Variants in CEP350 observed in about 807,000 individuals in gnomAD.
CEP350 encodes the protein centrosome-associated protein 350.
Under a neutral mutation model 331.8 loss-of-function variants are expected in CEP350, and 126 were observed. The ratio of observed to expected loss-of-function variants is 0.38; its 90% CI spans 0.33 to 0.44. The LOEUF is 0.44. Among genes scored for constraint, CEP350 ranks in the 20% least tolerant of loss-of-function variants. The pLI is 1.00. For synonymous variants in CEP350, 1,200 were observed against 1,259.5 expected (o/e 0.95, Z 1.00); for missense variants, 3,406 against 3,634.6 (o/e 0.94, Z 1.62).
chr1:180,056,476 C>T (rs866762012), intron 25 of CEP350, among the ~76,000 whole-genome samples: 88 of 101,670 alleles, frequency 8.7e-4, no homozygotes, highest in Middle Eastern at 4.3e-3. Flanking sequence ...CCCCCCCCCC[C>T]TTTTTTTTTT....
chr1:180,081,123 C>T (rs1396301886), intron 30 of CEP350, among the ~76,000 whole-genome samples: 1 of 152,144 alleles, frequency 6.6e-6, no homozygotes, highest in East Asian at 1.9e-4. Context: ...CCGTCTCGGC[C>T]TCCCAAAGTG....
chr1:180,061,689 G>A (rs537103612), intron 25 of CEP350, among the ~76,000 whole-genome samples: 1 of 152,188 alleles, frequency 6.6e-6, no homozygotes, highest in Admixed American at 6.5e-5. Context: ...TTTTTTGAAA[G>A]CAATTTTAAA....
At position 180,062,310 on chromosome 1, in the gene CEP350, C is replaced by G; in HGVS notation, c.5353C>G (p.Arg1785Gly). Reference sequence around the variant, plus strand: ...ACAGCAGGAGGAGATAGAAAAGATCCGACAGACCACCATAAAACTACAGGA... The same window carrying G: ...ACAGCAGGAGGAGATAGAAAAGATCGGACAGACCACCATAAAACTACAGGA... Reference protein sequence around the residue: ...LKQQEEIEKIRQTTIKLQEKL... With the variant: ...LKQQEEIEKIGQTTIKLQEKL... The change falls in exon 26 of 38, where the codon CGA (arginine) becomes GGA (glycine). Residue 1785 changes from arginine to glycine, a missense_variant. By Grantham distance (125) the Arg-to-Gly change is moderately radical. This residue lies in a region of CEP350 where 1,415 missense variants were observed against 1,512.3 expected (regional missense o/e 0.94). Transcript: ENST00000367607. The G allele has an allele frequency of 1.9e-6, 3 of 1,610,106 alleles. No individual in the cohort carries two copies. Among genetic ancestry groups the G allele is most frequent in the South Asian group, 1.1e-5 (1 of 90,322 alleles).
At chr1:179,995,871 C>T (rs772734236) in intron 5 of CEP350, among the ~76,000 whole-genome samples, 23 of 152,164 alleles carry the variant, frequency 1.5e-4, no homozygotes, top group Non-Finnish European at 2.8e-4. Flanking sequence ...ATTTATTGTA[C>T]TTCCACTTTA....
chr1:180,065,188 G>A lies in CEP350; in HGVS notation c.5483G>A (p.Ser1828Asn), dbSNP rs1658476030. The A allele has an allele frequency of 1.2e-6, 2 of 1,613,832 alleles. No individual in the cohort carries two copies. Among genetic ancestry groups the A allele is most frequent in the Non-Finnish European group, 1.7e-6 (2 of 1,179,806 alleles). Residue 1828 changes from serine to asparagine, a missense_variant, in exon 27 of 38, where the codon AGT (serine) becomes AAT (asparagine). Physicochemically the swap from Ser to Asn is conservative, Grantham distance 46. Coordinates refer to ENST00000367607, the MANE Select transcript of CEP350 (RefSeq NM_014810.5). ...GGTCCAACTGACTTGGAGACCCGCAGTCCTTCTCCCATTTCAATCTCCAGC... is the reference window on the plus strand; with the variant it reads ...GGTCCAACTGACTTGGAGACCCGCAATCCTTCTCCCATTTCAATCTCCAGC... ...SPGPTDLETR[S>N]PSPISISSSE...
intron 27 of CEP350, among the ~76,000 whole-genome samples, chr1:180,067,842 A>G (rs538894107): frequency 1.5e-4 from 23 of 152,370 alleles, no homozygotes; most frequent in African/African-American, 5.5e-4. Flanking sequence ...CCGGAGCACC[A>G]TAGTTTGATC....
At chr1:180,032,206 G>A (rs973243669) in intron 15 of CEP350, among the ~76,000 whole-genome samples, 3 of 152,136 alleles carry the variant, frequency 2.0e-5, no homozygotes, top group Middle Eastern at 3.4e-3. Context: ...TTTCATGTGT[G>A]CACTGGTTTT....
intron 32 of CEP350, among the ~76,000 whole-genome samples, 157 bp from the exon 33 acceptor site, chr1:180,090,557 A>AAAAAAAAAAAAAAAAAAAAG (rs1660126484): frequency 1.1e-5 from 1 of 92,216 alleles, no homozygotes; most frequent in Non-Finnish European, 2.2e-5. Flanking sequence ...AAAAAAAAAA[A>AAAAAAAAAAAAAAAAAAAAG]AAAAAAAAAA....
At chr1:180,088,631 G>C (rs1224426975) in intron 32 of CEP350, among the ~76,000 whole-genome samples, 1 of 152,142 alleles carries the variant, frequency 6.6e-6, no homozygotes, top group South Asian at 2.1e-4. Flanking sequence ...GAGAGGTATG[G>C]CAGGCTCATT....
At chr1:179,976,971 T>G (rs1398115625) in intron 1 of CEP350, among the ~76,000 whole-genome samples, 2 of 152,242 alleles carry the variant, frequency 1.3e-5, no homozygotes, top group African/African-American at 4.8e-5. Context: ...TTTTTCCTTT[T>G]CTTTGGGGCC....
At chr1:180,096,341 C>G (rs991992672) in intron 36 of CEP350, among the ~76,000 whole-genome samples, 157 bp downstream of exon 36, 1 of 150,252 alleles carries the variant, frequency 6.7e-6, no homozygotes, top group African/African-American at 2.5e-5. Context: ...TGTTGACTTA[C>G]TGAATCCATG....
chr1:180,004,081 A>G (rs896170427), intron 7 of CEP350, among the ~76,000 whole-genome samples: 12 of 152,198 alleles, frequency 7.9e-5, no homozygotes. Context: ...TGTAATAGTT[A>G]AGAGCCAAGA....
intron 6 of CEP350, among the ~76,000 whole-genome samples, chr1:180,002,735 C>T (rs1653948092): frequency 2.0e-5 from 3 of 152,124 alleles, no homozygotes; most frequent in Admixed American, 2.0e-4. Flanking sequence ...TTGGTATAGT[C>T]ATACAATGGA....
At chr1:180,061,143 TAACA>T (rs1267456384) in intron 25 of CEP350, among the ~76,000 whole-genome samples, 1 of 152,210 alleles carries the variant, frequency 6.6e-6, no homozygotes, top group African/African-American at 2.4e-5. Context: ...TAATTATAAC[TAACA>T]AATTTTAATG....
At chr1:179,971,102 C>G (rs1434152823) in intron 1 of CEP350, among the ~76,000 whole-genome samples, 1 of 150,998 alleles carries the variant, frequency 6.6e-6, no homozygotes, top group African/African-American at 2.4e-5. Context: ...AATCTCGGCT[C>G]ATTGCAACCT....
At chr1:179,965,301 T>G (rs1171943690) in intron 1 of CEP350, among the ~76,000 whole-genome samples, 1 of 152,158 alleles carries the variant, frequency 6.6e-6, no homozygotes, top group Non-Finnish European at 1.5e-5. Context: ...TATTGAGACT[T>G]GCTTTATGAC....
At chr1:180,041,878 T>C (rs1043566713) in intron 19 of CEP350, 76 bp downstream of exon 19, 11 of 1,354,986 alleles carry the variant, frequency 8.1e-6, no homozygotes, top group Non-Finnish European at 1.1e-5. Context: ...CAGTAATGGG[T>C]TTCTAATATC....
intron 36 of CEP350, among the ~76,000 whole-genome samples, chr1:180,097,064 G>A (rs112181855): frequency 1.3e-5 from 2 of 152,212 alleles, no homozygotes; most frequent in Non-Finnish European, 2.9e-5. Flanking sequence ...TTTGATCACA[G>A]AAAGCCTTTA....
intron 29 of CEP350, among the ~76,000 whole-genome samples, chr1:180,079,026 T>G (rs1320840301): frequency 2.0e-5 from 3 of 152,160 alleles, no homozygotes; most frequent in African/African-American, 7.2e-5. Context: ...ACCTTTACTG[T>G]AACTGAATTA....
Sources: gnomAD v4.1 joint callset for allele counts (sites outside exome capture counted in the v4.1 genomes callset) on GRCh38, gnomAD v4.1.1 for gene constraint, gnomAD v4.1.1 regional missense constraint, MANE v1.5 for transcripts, NCBI Gene and HGNC (gene_info 2026-07-23, HGNC 2026-07-21) for gene names.